Variants in ZPLD1 observed in about 807,000 individuals in gnomAD.
ZPLD1 encodes zona pellucida like domain containing 1, also known as zona pellucida-like domain-containing protein 1.
A neutral mutation model predicts 47.2 loss-of-function variants in ZPLD1; 34 were observed. The ratio of observed to expected loss-of-function variants is 0.72; its 90% CI spans 0.55 to 0.96. ZPLD1 has a LOEUF of 0.96. ZPLD1 is among the 40% of genes least tolerant of loss of function. The pLI, the probability that ZPLD1 is intolerant of heterozygous loss-of-function variation, is 0.00. For synonymous variants in ZPLD1, 176 were observed against 186.2 expected (o/e 0.95, Z 0.45); for missense variants, 512 against 505.8 (o/e 1.01, Z -0.12).
At chr3:102,433,131 T>G (rs1327474319), upstream of ZPLD1, among the ~76,000 whole-genome samples, 1 of 152,198 alleles carries the variant, frequency 6.6e-6, no homozygotes, top group East Asian at 1.9e-4. Context: ...CCCTGGAGAG[T>G]ACCAGACACA....
chr3:102,468,911 A>C lies in ZPLD1; in HGVS notation c.762-53A>C, dbSNP rs1046065381. 13 of 1,533,856 alleles carry C rather than the reference A, an allele frequency of 8.5e-6. No individual in the cohort carries two copies. The East Asian group carries it at 2.3e-4, about 27-fold the overall frequency. The stretch of plus-strand genomic sequence containing the variant: ...CGGTAGAAATTAATTTACAAGTCCC[A>C]GTAGGTTGGTACTTTCCAGTGATGT... On this transcript the variant is annotated intron_variant, in intron 8 of 11. Transcript: ENST00000466937.
At chr3:102,425,928 C>T (rs533425358) in intron 8 of ZPLD1, among the ~76,000 whole-genome samples, 1 of 150,384 alleles carries the variant, frequency 6.6e-6, no homozygotes, top group East Asian at 1.9e-4. Flanking sequence ...GTTATTTAGT[C>T]ACTTAGATGA....
intron 8 of ZPLD1, among the ~76,000 whole-genome samples, chr3:102,421,401 A>G (rs1469197181): frequency 6.6e-6 from 1 of 151,878 alleles, no homozygotes; most frequent in Non-Finnish European, 1.5e-5. Context: ...ATAAGTTATA[A>G]TAATTGAATA....
At chr3:102,409,778 C>T (rs1283953345) in intron 7 of ZPLD1, among the ~76,000 whole-genome samples, 2 of 151,734 alleles carry the variant, frequency 1.3e-5, no homozygotes, top group Non-Finnish European at 1.5e-5. Flanking sequence ...TTAGTAATGC[C>T]TTACCTTGAT....
chr3:102,412,184 A>C (rs1199984191), intron 7 of ZPLD1, among the ~76,000 whole-genome samples: 1 of 151,838 alleles, frequency 6.6e-6, no homozygotes, highest in Non-Finnish European at 1.5e-5. Flanking sequence ...ATTGTAAATA[A>C]CAATCATATC....
In ZPLD1 at chr3:102,401,602, G is replaced by T. The variant is rs367819996; in HGVS notation, c.-157+9377G>T. On this transcript the variant is annotated intron_variant, in intron 7 of 17. Transcript: ENST00000491959. ...ACTGTCTAATGTTCTTTGAAATGAA[G>T]GATTGGGCACTTAGGCACTGCAATA... Among the ~76,000 whole-genome samples, 58 of 152,158 alleles carry T rather than the reference G, an allele frequency of 3.8e-4. 1 individual carries two copies. The highest frequency in any genetic ancestry group is 1.3e-3 in the African/African-American group (56 of 41,536).
intron 10 of ZPLD1, among the ~76,000 whole-genome samples, chr3:102,474,999 T>C (rs1037453349): frequency 6.6e-6 from 1 of 151,970 alleles, no homozygotes; most frequent in Non-Finnish European, 1.5e-5. Context: ...TGTTTGTTTG[T>C]TTTCTTTGCA....
chr3:102,425,400 T>C (rs1706933373), intron 8 of ZPLD1, among the ~76,000 whole-genome samples: 1 of 152,168 alleles, frequency 6.6e-6, no homozygotes, highest in Non-Finnish European at 1.5e-5. Context: ...AATGTTTATG[T>C]TCAAATTTGC....
Position 102,477,735 on chromosome 3 carries a change from A to T in ZPLD1, c.*117A>T. 2 of 983,254 alleles carry T rather than the reference A, an allele frequency of 2.0e-6. No individual in the cohort carries two copies. Among genetic ancestry groups the T allele is most frequent in the South Asian group, 1.9e-5 (1 of 52,964 alleles). The allele number at this position is 983,254 out of a possible 1,614,324, so 60.9% of individuals were successfully genotyped here. A position where few individuals can be genotyped will look rare whatever the true frequency, so the allele number is the denominator to read the frequency against. Reference sequence around the variant, plus strand: ...ACATTCAATATTTGTAGGTTTGATAAATTTCACAGTATAGCTTGTCAGCAT... The same window carrying T: ...ACATTCAATATTTGTAGGTTTGATATATTTCACAGTATAGCTTGTCAGCAT... On this transcript the variant is annotated 3_prime_UTR_variant, in exon 12 of 12. Transcript: ENST00000466937.
chr3:102,421,985 T>C (rs1472840736), intron 8 of ZPLD1, among the ~76,000 whole-genome samples: 3 of 152,010 alleles, frequency 2.0e-5, no homozygotes, highest in Non-Finnish European at 4.4e-5. Context: ...ATTTGATGAT[T>C]TTAGTTTGAT....
At chr3:102,424,829 C>T (rs1706922807) in intron 8 of ZPLD1, among the ~76,000 whole-genome samples, 1 of 152,176 alleles carries the variant, frequency 6.6e-6, no homozygotes, top group Non-Finnish European at 1.5e-5. Flanking sequence ...CAATCCTATT[C>T]TATTTCATGA....
upstream of ZPLD1, among the ~76,000 whole-genome samples, chr3:102,434,457 G>A (rs182418020): frequency 6.4e-4 from 98 of 152,210 alleles, 1 homozygote; most frequent in Non-Finnish European, 1.1e-3. Context: ...AAATCACTTA[G>A]CATATGACTT....
intron 10 of ZPLD1, among the ~76,000 whole-genome samples, chr3:102,471,173 G>A (rs1183722154): frequency 6.6e-6 from 1 of 152,104 alleles, no homozygotes; most frequent in African/African-American, 2.4e-5. Context: ...GCAGCCTCTA[G>A]CTCCCTTGCC....
At chr3:102,470,725 TACACACACACACACAC>T (rs149917091) in intron 10 of ZPLD1, among the ~76,000 whole-genome samples, 1 of 148,780 alleles carries the variant, frequency 6.7e-6, no homozygotes, top group African/African-American at 2.5e-5. Context: ...CACACACACA[TACACACACACACACAC>T]ACACACGCAC....
At chr3:102,441,516 A>ATT (rs1707177372) in intron 3 of ZPLD1, among the ~76,000 whole-genome samples, 1 of 152,176 alleles carries the variant, frequency 6.6e-6, no homozygotes, top group Non-Finnish European at 1.5e-5. Context: ...TCTTGAGCCA[A>ATT]TTATTCCAAT....
chr3:102,465,394 G>T (rs757687895), intron 8 of ZPLD1, among the ~76,000 whole-genome samples: 2 of 151,866 alleles, frequency 1.3e-5, no homozygotes, highest in African/African-American at 4.8e-5. Flanking sequence ...CTGTCCTATT[G>T]GTATTTCTAT....
intron 7 of ZPLD1, among the ~76,000 whole-genome samples, chr3:102,407,442 T>TATATAC (rs1553708474): frequency 1.5e-3 from 140 of 95,340 alleles, no homozygotes; most frequent in Non-Finnish European, 2.3e-3. Context: ...TATATATATA[T>TATATAC]ACACACATAT....
At chr3:102,477,368 G>C in intron 11 of ZPLD1, 75 bp from the exon 12 acceptor site, 1 of 1,420,438 alleles carries the variant, frequency 7.0e-7, no homozygotes, top group African/African-American at 1.4e-5. Flanking sequence ...AAGATGTTTT[G>C]CAGGTAAAAT....
upstream of ZPLD1, among the ~76,000 whole-genome samples, chr3:102,432,459 T>G (rs1707027462): frequency 6.6e-6 from 1 of 152,230 alleles, no homozygotes; most frequent in Non-Finnish European, 1.5e-5. Context: ...GAGATGATAT[T>G]TAGTTTGAAT....
Sources: gnomAD v4.1 joint callset for allele counts (sites outside exome capture counted in the v4.1 genomes callset) on GRCh38, gnomAD v4.1.1 for gene constraint, MANE v1.5 for transcripts, NCBI Gene and HGNC (gene_info 2026-07-23, HGNC 2026-07-21) for gene names.